COL25A1: variants seen among roughly 807,000 people sequenced by gnomAD.
COL25A1 encodes collagen alpha-1(XXV) chain.
A neutral mutation model predicts 128.4 loss-of-function variants in COL25A1; 103 were observed. The observed-to-expected ratio is 0.80, with a 90% CI of 0.68 to 0.94. The LOEUF (loss-of-function observed/expected upper bound fraction) is 0.94, where lower values mean the gene tolerates loss of function less well. COL25A1 is among the 40% of genes least tolerant of loss of function. The probability of loss-of-function intolerance (pLI) is 0.00; values close to 1 mark genes in which losing one functional copy is unlikely to be tolerated. For missense variants in COL25A1, 745 were observed against 840.0 expected (o/e 0.89, Z 1.40); for synonymous variants, 279 against 277.2 (o/e 1.01, Z -0.06).
chr4:109,059,737 G>T (rs1761780839), intron 3 of COL25A1, among the ~76,000 whole-genome samples: 1 of 152,098 alleles, frequency 6.6e-6, no homozygotes, highest in African/African-American at 2.4e-5. Flanking sequence ...TACCCATGCT[G>T]TTATATATAA....
chr4:108,971,724 T>C (rs1271740166), intron 8 of COL25A1, among the ~76,000 whole-genome samples: 2 of 152,196 alleles, frequency 1.3e-5, no homozygotes, highest in African/African-American at 4.8e-5. Flanking sequence ...TGATCTAATT[T>C]ACAATGTCAA....
chr4:109,240,678 T>C (rs1240908583), intron 3 of COL25A1, among the ~76,000 whole-genome samples: 3 of 152,066 alleles, frequency 2.0e-5, no homozygotes, highest in African/African-American at 7.2e-5. Context: ...AATATCACAG[T>C]CATGAAGAGA....
At chr4:109,204,181 CTT>C (rs1483003354) in intron 3 of COL25A1, among the ~76,000 whole-genome samples, 3 of 152,164 alleles carry the variant, frequency 2.0e-5, no homozygotes, top group African/African-American at 4.8e-5. Context: ...GAAAAACACT[CTT>C]TTATCATAAT....
At chr4:108,825,515 G>A (rs930478097) in intron 33 of COL25A1, among the ~76,000 whole-genome samples, 4 of 152,072 alleles carry the variant, frequency 2.6e-5, no homozygotes, top group African/African-American at 7.2e-5. Context: ...TAGTTGATTA[G>A]TGACTGTTAG....
At chr4:108,846,700 A>G (rs955471842) in intron 27 of COL25A1, among the ~76,000 whole-genome samples, 6 of 152,162 alleles carry the variant, frequency 3.9e-5, no homozygotes, top group African/African-American at 1.4e-4. Flanking sequence ...TCAATGGTCC[A>G]GTCTACAGAC....
chr4:108,856,069 A>T (rs1373572591), intron 24 of COL25A1, among the ~76,000 whole-genome samples: 1 of 152,224 alleles, frequency 6.6e-6, no homozygotes, highest in African/African-American at 2.4e-5. Context: ...GGTAAAGCCC[A>T]GCAGCCTGCT....
chr4:109,258,551 G>T (rs17040214), intron 3 of COL25A1, among the ~76,000 whole-genome samples: 4,985 of 152,174 alleles, frequency 0.033, 234 homozygotes, highest in African/African-American at 0.1. Flanking sequence ...AAAAATATCA[G>T]TAATCACTAT....
chr4:109,124,972 T>C (rs1052785170), intron 3 of COL25A1, among the ~76,000 whole-genome samples: 4 of 152,080 alleles, frequency 2.6e-5, no homozygotes, highest in African/African-American at 4.8e-5. Flanking sequence ...CTATTTGTCA[T>C]GGTAACTTAA....
chr4:108,818,447 T>C (rs190708810), intron 36 of COL25A1, among the ~76,000 whole-genome samples: 16 of 152,256 alleles, frequency 1.1e-4, no homozygotes, highest in Admixed American at 9.2e-4. Context: ...AATATGAATA[T>C]ACTTTCATTT....
At chr4:109,006,618 G>T (rs1386799561) in intron 6 of COL25A1, among the ~76,000 whole-genome samples, 1 of 151,850 alleles carries the variant, frequency 6.6e-6, no homozygotes. Flanking sequence ...CAGATTTAAT[G>T]TACAGTTTAT....
At position 108,901,318 on chromosome 4, in the gene COL25A1, T is replaced by C. The variant is rs1742827833; in HGVS notation, c.781-146A>G. ...TAGTTTAAATTCAAGTTAGCTTCCATGGTCCAAAACGCTGCATGTAATGGA... is the reference window on the plus strand; with the variant it reads ...TAGTTTAAATTCAAGTTAGCTTCCACGGTCCAAAACGCTGCATGTAATGGA... On this transcript the variant is annotated intron_variant, in intron 13 of 37. Coordinates refer to ENST00000399132, the MANE Select transcript of COL25A1 (RefSeq NM_198721.4). The C allele has an allele frequency of 4.6e-6, 3 of 645,226 alleles. No individual in the cohort carries two copies. In the Admixed American group the frequency reaches 7.5e-5, roughly 16 times the overall value. 40.0% of individuals were successfully genotyped at this position (645,226 alleles called of 1,614,324 possible).
intron 3 of COL25A1, among the ~76,000 whole-genome samples, chr4:109,298,706 A>C (rs1267405298): frequency 6.6e-6 from 1 of 152,218 alleles, no homozygotes; most frequent in Non-Finnish European, 1.5e-5. Flanking sequence ...TTCCTCAAGC[A>C]AAAGGGAGTA....
intron 3 of COL25A1, among the ~76,000 whole-genome samples, chr4:109,190,334 A>G (rs1176883092): frequency 6.6e-6 from 1 of 152,202 alleles, no homozygotes. Flanking sequence ...AATGCCCAGA[A>G]ACATATTGAC....
chr4:109,159,029 T>G (rs1001211109), intron 3 of COL25A1, among the ~76,000 whole-genome samples: 14 of 152,086 alleles, frequency 9.2e-5, no homozygotes, highest in African/African-American at 2.9e-4. Flanking sequence ...TAAAAGCCAC[T>G]CTGTAGTAAG....
At chr4:109,261,221 T>C in intron 3 of COL25A1, among the ~76,000 whole-genome samples, 1 of 152,144 alleles carries the variant, frequency 6.6e-6, no homozygotes, top group East Asian at 1.9e-4. Flanking sequence ...TGAAATCAGC[T>C]TTTAAATATA....
chr4:109,186,686 C>T (rs913359419), intron 3 of COL25A1, among the ~76,000 whole-genome samples: 3 of 152,294 alleles, frequency 2.0e-5, no homozygotes, highest in Middle Eastern at 3.4e-3. Context: ...CAAAAAGAGA[C>T]AATAAAATGT....
chr4:108,977,494 G>A (rs1345248978), intron 6 of COL25A1, among the ~76,000 whole-genome samples: 1 of 152,114 alleles, frequency 6.6e-6, no homozygotes, highest in East Asian at 1.9e-4. Context: ...TGCTTACTAA[G>A]GTTATACAAG....
At chr4:109,125,338 G>A (rs1768493265) in intron 3 of COL25A1, among the ~76,000 whole-genome samples, 1 of 152,082 alleles carries the variant, frequency 6.6e-6, no homozygotes, top group African/African-American at 2.4e-5. Flanking sequence ...CCTAGTGACA[G>A]GGCAAATAGC....
intron 37 of COL25A1, among the ~76,000 whole-genome samples, chr4:108,815,020 TG>T (rs1413194966): frequency 2.0e-5 from 3 of 152,310 alleles, no homozygotes; most frequent in African/African-American, 7.2e-5. Context: ...TTGCCTGTCA[TG>T]CCAATGCCAA....
Sources: gnomAD v4.1 joint callset for allele counts (sites outside exome capture counted in the v4.1 genomes callset) on GRCh38, gnomAD v4.1.1 for gene constraint, MANE v1.5 for transcripts, NCBI Gene and HGNC (gene_info 2026-07-23, HGNC 2026-07-21) for gene names.